Variants in FARS2 observed in about 807,000 individuals in gnomAD.
FARS2 encodes phenylalanine--tRNA ligase, mitochondrial.
A neutral mutation model predicts 46.4 loss-of-function variants in FARS2; 40 were observed. The observed-to-expected ratio is 0.86, with a 90% CI of 0.67 to 1.12. FARS2 has a LOEUF of 1.12. FARS2 is among the 50% of genes most tolerant of loss of function. The pLI is 0.00. For synonymous variants in FARS2, 234 were observed against 214.9 expected, an observed-to-expected ratio of 1.09 and a Z score of -0.78; for missense variants, 513 against 567.9, an observed-to-expected ratio of 0.90 and a Z score of 0.98.
chr6:5,347,611 A>T (rs1757321400), intron 1 of FARS2, among the ~76,000 whole-genome samples: 2 of 152,166 alleles, frequency 1.3e-5, no homozygotes, highest in African/African-American at 4.8e-5. Flanking sequence ...CTATGAATAA[A>T]GTTGCAGTGA....
At chr6:5,488,396 A>G (rs138320112) in intron 4 of FARS2, among the ~76,000 whole-genome samples, 71 of 152,334 alleles carry the variant, frequency 4.7e-4, no homozygotes, top group Middle Eastern at 3.4e-3. Flanking sequence ...AGTAGGGTCA[A>G]TATCTACTAT....
intron 4 of FARS2, among the ~76,000 whole-genome samples, chr6:5,539,384 G>GTGTATATATATATATATATATATA: frequency 0.016 from 1,243 of 79,366 alleles, 84 homozygotes; most frequent in South Asian, 0.055. Flanking sequence ...TTTTTTTTGT[G>GTGTATATATATATATATATATATA]TATATATATA....
chr6:5,464,154 G>C (rs914050757), intron 4 of FARS2, among the ~76,000 whole-genome samples: 1 of 152,196 alleles, frequency 6.6e-6, no homozygotes, highest in Non-Finnish European at 1.5e-5. Context: ...CTGTTTCCTA[G>C]AAATGCAAAG....
intron 5 of FARS2, among the ~76,000 whole-genome samples, chr6:5,596,514 C>A (rs1774206287): frequency 6.6e-6 from 1 of 152,184 alleles, no homozygotes; most frequent in South Asian, 2.1e-4. Context: ...AACCATTATT[C>A]ATTTTGCATA....
chr6:5,611,882 G>C (rs937867789), intron 5 of FARS2, among the ~76,000 whole-genome samples: 6 of 152,172 alleles, frequency 3.9e-5, no homozygotes, highest in African/African-American at 1.4e-4. Flanking sequence ...ATTAATTGAA[G>C]AGGAGATTCC....
chr6:5,448,308 G>A (rs1415227042), intron 4 of FARS2, among the ~76,000 whole-genome samples: 1 of 152,146 alleles, frequency 6.6e-6, no homozygotes, highest in African/African-American at 2.4e-5. Flanking sequence ...TATTTTATAG[G>A]TCATGCATTT....
intron 1 of FARS2, among the ~76,000 whole-genome samples, chr6:5,322,319 A>T (rs368380379): frequency 7.0e-4 from 107 of 152,370 alleles, no homozygotes; most frequent in African/African-American, 2.4e-3. Context: ...GTTAGATTAT[A>T]AAAGTACAGA....
chr6:5,740,414 T>C (rs2150950809), intron 6 of FARS2, among the ~76,000 whole-genome samples: 1 of 152,254 alleles, frequency 6.6e-6, no homozygotes, highest in South Asian at 2.1e-4. Flanking sequence ...ACCAATGAGG[T>C]AAGTAAATAG....
chr6:5,500,631 A>G (rs1419591897), intron 4 of FARS2, among the ~76,000 whole-genome samples: 2 of 152,180 alleles, frequency 1.3e-5, no homozygotes, highest in Admixed American at 1.3e-4. Flanking sequence ...CCAGGGTACC[A>G]TGGTTAAGGC....
intron 5 of FARS2, among the ~76,000 whole-genome samples, chr6:5,552,251 G>A (rs1771411845): frequency 6.6e-6 from 1 of 152,142 alleles, no homozygotes; most frequent in Admixed American, 6.5e-5. Flanking sequence ...TACTACAGTT[G>A]ACCTGCCTTG....
rs776382420 is a variant in FARS2, at chr6:5,764,071, G to C, written c.1218-7220G>C. On this transcript the variant is annotated intron_variant, in intron 6 of 6. Coordinates refer to ENST00000274680, the MANE Select transcript of FARS2 (RefSeq NM_006567.5). This position sits in a 1 kb window ranked among gnomAD's most constrained non-coding sequence, Gnocchi z 4.1. ...TAAAGGAGGAAGATGGGGCGGATGC[G>C]TAGGTATGGAGCGCCTACTCTGGGT... is the stretch of plus-strand genomic sequence containing the variant. Among the ~76,000 whole-genome samples the C allele has an allele frequency of 6.6e-6, 1 of 152,102 alleles. No homozygotes were observed.
chr6:5,450,989 C>T (rs953632927), intron 4 of FARS2, among the ~76,000 whole-genome samples: 15 of 152,104 alleles, frequency 9.9e-5, no homozygotes, highest in African/African-American at 3.6e-4. Context: ...GGGAAAAATC[C>T]TGCTCCACTG....
At chr6:5,300,821 C>T (rs1275961396) in intron 1 of FARS2, among the ~76,000 whole-genome samples, 1 of 151,970 alleles carries the variant, frequency 6.6e-6, no homozygotes, top group Non-Finnish European at 1.5e-5. Context: ...TAGTCATGTG[C>T]TACTTATACC....
At chr6:5,711,803 C>G (rs1053149193) in intron 6 of FARS2, among the ~76,000 whole-genome samples, 1 of 152,098 alleles carries the variant, frequency 6.6e-6, no homozygotes, top group Admixed American at 6.5e-5. Context: ...GGATCCTGGA[C>G]AGGAAGAGGA....
At chr6:5,349,282 T>G (rs1425692280) in intron 1 of FARS2, among the ~76,000 whole-genome samples, 1 of 152,176 alleles carries the variant, frequency 6.6e-6, no homozygotes, top group African/African-American at 2.4e-5. Context: ...ACAAAACATA[T>G]TGGATCTGTA....
chr6:5,317,626 A>G (rs537037180), intron 1 of FARS2, among the ~76,000 whole-genome samples: 1 of 152,066 alleles, frequency 6.6e-6, no homozygotes, highest in South Asian at 2.1e-4. Context: ...ACAAAAATAC[A>G]AAAATTAGCT....
intron 1 of FARS2, among the ~76,000 whole-genome samples, chr6:5,344,081 C>T (rs967159449): frequency 1.3e-5 from 2 of 152,104 alleles, no homozygotes; most frequent in African/African-American, 4.8e-5. Context: ...TTTGGTTCAC[C>T]GAACGACACA....
At chr6:5,296,308 AT>A (rs1267609534) in intron 1 of FARS2, among the ~76,000 whole-genome samples, 1 of 151,388 alleles carries the variant, frequency 6.6e-6, no homozygotes, top group Non-Finnish European at 1.5e-5. Context: ...CGCCCAGCTA[AT>A]TTTTTGTATT....
chr6:5,377,916 A>G (rs1748859453), intron 2 of FARS2, among the ~76,000 whole-genome samples: 1 of 152,192 alleles, frequency 6.6e-6, no homozygotes, highest in African/African-American at 2.4e-5. Flanking sequence ...ATTTTTACCA[A>G]TCTATGAAAT....
Sources: gnomAD v4.1 joint callset for allele counts (sites outside exome capture counted in the v4.1 genomes callset) on GRCh38, gnomAD v4.1.1 for gene constraint, Gnocchi (gnomAD v3.1) non-coding constraint, MANE v1.5 for transcripts, NCBI Gene and HGNC (gene_info 2026-07-23, HGNC 2026-07-21) for gene names.